PRKX: variants seen among roughly 807,000 people sequenced by gnomAD.
PRKX encodes the protein cAMP-dependent protein kinase catalytic subunit PRKX.
Under a neutral mutation model 22.0 loss-of-function variants are expected in PRKX, and 12 were observed. The ratio of observed to expected loss-of-function variants is 0.54; its 90% confidence interval spans 0.35 to 0.88. The LOEUF is 0.88. Ranked by LOEUF, PRKX falls within the 40% of genes least tolerant of loss-of-function variation. PRKX has a pLI of 0.01. For missense variants in PRKX, 217 were observed against 308.0 expected (o/e 0.70, Z 2.21); for synonymous variants, 134 against 137.7 (o/e 0.97, Z 0.19).
At chrX:3,623,634 C>T (rs1251244793) in intron 5 of PRKX, among the ~76,000 whole-genome samples, 29 of 111,493 alleles carry the variant, frequency 2.6e-4, no homozygotes, top group African/African-American at 7.8e-4. Context: ...TGAGAAGAGG[C>T]CCCTGAAGAT....
chrX:3,637,064 GGAGAGA>G (rs113201179), intron 4 of PRKX, among the ~76,000 whole-genome samples: 2 of 99,130 alleles, frequency 2.0e-5, no homozygotes, highest in Admixed American at 2.2e-4. Context: ...AAGGGAGGAA[GGAGAGA>G]GAGAGAGAGA....
chrX:3,639,921 G>T (rs2146573046), intron 4 of PRKX, among the ~76,000 whole-genome samples: 1 of 111,279 alleles, frequency 9.0e-6, no homozygotes, highest in South Asian at 3.8e-4. Flanking sequence ...AATGTCACAT[G>T]CTCCACACCC....
At chrX:3,709,776 C>G (rs1398819052) in intron 1 of PRKX, among the ~76,000 whole-genome samples, 2 of 111,203 alleles carry the variant, frequency 1.8e-5, no homozygotes, top group East Asian at 5.7e-4. Flanking sequence ...TTTTTCATTT[C>G]CATAATATCA....
At chrX:3,619,483 G>C (rs1926509766) in intron 6 of PRKX, among the ~76,000 whole-genome samples, 1 of 112,110 alleles carries the variant, frequency 8.9e-6, no homozygotes, top group Non-Finnish European at 1.9e-5. Context: ...GAAGGCTCTT[G>C]AGAAGAGATA....
At chrX:3,632,965 C>A (rs772727175) in intron 4 of PRKX, among the ~76,000 whole-genome samples, 2 of 112,770 alleles carry the variant, frequency 1.8e-5, no homozygotes, top group South Asian at 3.6e-4. Flanking sequence ...TGCCTGTCAT[C>A]CCAGCATTTG....
chrX:3,706,287 CA>C (rs1428764590), intron 1 of PRKX, among the ~76,000 whole-genome samples: 2 of 110,103 alleles, frequency 1.8e-5, no homozygotes, highest in Non-Finnish European at 3.8e-5. Context: ...TGGGCTCAAG[CA>C]ATCCTCCTGC....
intron 1 of PRKX, among the ~76,000 whole-genome samples, chrX:3,700,261 C>T (rs776457601): frequency 2.7e-5 from 3 of 111,574 alleles, no homozygotes; most frequent in East Asian, 5.6e-4. Context: ...AAACCTAAAA[C>T]GAGTGGAAAA....
intron 6 of PRKX, among the ~76,000 whole-genome samples, chrX:3,620,834 G>C (rs1159475955): frequency 9.1e-6 from 1 of 109,655 alleles, no homozygotes; most frequent in African/African-American, 3.5e-5. Context: ...ATTAACCACA[G>C]GGGTGGCTGT....
chrX:3,679,071 T>C (rs1928020650), intron 1 of PRKX, among the ~76,000 whole-genome samples: 1 of 111,444 alleles, frequency 9.0e-6, no homozygotes, highest in Admixed American at 9.6e-5. Context: ...TGTCTTTTCT[T>C]TTAATTTTAG....
chrX:3,695,876 G>A (rs779823571), intron 1 of PRKX, among the ~76,000 whole-genome samples: 1 of 111,689 alleles, frequency 9.0e-6, no homozygotes, highest in Non-Finnish European at 1.9e-5. Flanking sequence ...CGGTGTAAAT[G>A]ATGCTGGGGG....
At chrX:3,711,762 G>T (rs1006922407) in intron 1 of PRKX, among the ~76,000 whole-genome samples, 3 of 110,655 alleles carry the variant, frequency 2.7e-5, no homozygotes, top group African/African-American at 9.9e-5. Flanking sequence ...GAGGAGGGAG[G>T]GAGACAGAAA....
intron 4 of PRKX, among the ~76,000 whole-genome samples, chrX:3,636,265 A>G (rs917107182): frequency 2.7e-5 from 3 of 112,361 alleles, no homozygotes; most frequent in African/African-American, 6.5e-5. Context: ...GTGCAGACAC[A>G]GGCTGCGAAG....
chrX:3,666,816 G>A (rs1267539216), intron 2 of PRKX, among the ~76,000 whole-genome samples: 1 of 105,667 alleles, frequency 9.5e-6, no homozygotes, highest in Admixed American at 1.0e-4. Flanking sequence ...GCTGAGGCAG[G>A]AGGATCACCT....
chrX:3,696,159 C>T lies in PRKX; in HGVS notation c.166+16929G>A, dbSNP rs187468100. Among the ~76,000 whole-genome samples, 15 of 110,250 alleles carry T rather than the reference C, an allele frequency of 1.4e-4. No homozygotes were observed. In the East Asian group the frequency reaches 4.3e-3, roughly 32 times the overall value. ...ACCCTAGAGAGCTCCCTCACCCTTT[C>T]CACCATGTGAGGACACAGTGAGAAG... On this transcript the variant is annotated intron_variant, in intron 1 of 8. Coordinates refer to ENST00000262848, the MANE Select transcript of PRKX (RefSeq NM_005044.5).
At chrX:3,700,877 C>T (rs1029843270) in intron 1 of PRKX, among the ~76,000 whole-genome samples, 2 of 111,338 alleles carry the variant, frequency 1.8e-5, no homozygotes, top group Non-Finnish European at 3.8e-5. Context: ...TGGGGGATTA[C>T]AGGTGTTCAG....
intron 1 of PRKX, among the ~76,000 whole-genome samples, chrX:3,704,570 G>A (rs754750083): frequency 1.8e-4 from 20 of 111,231 alleles, no homozygotes; most frequent in African/African-American, 6.5e-4. Flanking sequence ...AGGAGGCTGA[G>A]GTGAGAGGAT....
At chrX:3,699,965 G>A (rs1307248917) in intron 1 of PRKX, among the ~76,000 whole-genome samples, 4 of 111,455 alleles carry the variant, frequency 3.6e-5, no homozygotes, top group Admixed American at 2.9e-4. Context: ...GAGACTGGGA[G>A]TGTTGATTAC....
chrX:3,707,242 T>C, intron 1 of PRKX, among the ~76,000 whole-genome samples: 1 of 112,265 alleles, frequency 8.9e-6, no homozygotes, highest in Non-Finnish European at 1.9e-5. Flanking sequence ...GTGAGTGTCA[T>C]AAAGAACAAC....
chrX:3,670,521 C>T (rs1187993188), intron 2 of PRKX, among the ~76,000 whole-genome samples: 1 of 112,078 alleles, frequency 8.9e-6, no homozygotes, highest in African/African-American at 3.2e-5. Flanking sequence ...GGCTAAGTTA[C>T]ATCACCCCCT....
Sources: allele counts gnomAD v4.1 joint callset (sites outside exome capture counted in the v4.1 genomes callset), GRCh38; gene constraint gnomAD v4.1.1; transcripts MANE v1.5; gene names NCBI Gene and HGNC (gene_info 2026-07-23, HGNC 2026-07-21).